Variants in NEGR1 observed in about 807,000 individuals in gnomAD.
NEGR1 encodes the protein IgLON family member 4.
Under a neutral mutation model 40.9 loss-of-function variants are expected in NEGR1, and 10 were observed. The ratio of observed to expected loss-of-function variants is 0.24; its 90% CI spans 0.15 to 0.42. The LOEUF (loss-of-function observed/expected upper bound fraction) is 0.42, where lower values mean the gene tolerates loss of function less well. Ranked by LOEUF, NEGR1 falls within the 10% of genes least tolerant of loss-of-function variation. The probability of loss-of-function intolerance (pLI) is 1.00; values close to 1 mark genes in which losing one functional copy is unlikely to be tolerated. For synonymous variants in NEGR1, 185 were observed against 166.8 expected (o/e 1.11, Z -0.84); for missense variants, 352 against 438.9 (o/e 0.80, Z 1.77).
In NEGR1 at chr1:72,103,177, C is replaced by T. The variant is rs144221654; in HGVS notation, c.177-167866G>A. Reference sequence around the variant, plus strand: ...AAATAAAGTTGTTTAATTAACTCTACTGATCATGGACATTTGGCCATTACA... The same window carrying T: ...AAATAAAGTTGTTTAATTAACTCTATTGATCATGGACATTTGGCCATTACA... On this transcript the variant is annotated intron_variant, in intron 1 of 6. Transcript: ENST00000357731. 3.3e-5 allele frequency among the ~76,000 whole-genome samples: 5 copies of T among 152,140 alleles called. No individual in the cohort carries two copies. The East Asian group carries it at 9.7e-4, about 29-fold the overall frequency.
At chr1:71,878,299 T>C (rs1384661636) in intron 2 of NEGR1, among the ~76,000 whole-genome samples, 3 of 152,320 alleles carry the variant, frequency 2.0e-5, no homozygotes, top group Admixed American at 2.0e-4. Flanking sequence ...GCTTTCATTA[T>C]CTTTCCCAGC....
intron 1 of NEGR1, among the ~76,000 whole-genome samples, chr1:72,000,920 G>A (rs943933846): frequency 6.6e-6 from 1 of 152,126 alleles, no homozygotes; most frequent in Non-Finnish European, 1.5e-5. Context: ...GCACAGATAA[G>A]GGAACTTGCA....
intron 1 of NEGR1, among the ~76,000 whole-genome samples, chr1:72,166,755 G>C (rs1651780586): frequency 6.6e-6 from 1 of 152,086 alleles, no homozygotes; most frequent in South Asian, 2.1e-4. Context: ...CCAGAGGCCA[G>C]GATCTGGGGA....
At chr1:72,117,952 T>C (rs147287164) in intron 1 of NEGR1, among the ~76,000 whole-genome samples, 9 of 151,872 alleles carry the variant, frequency 5.9e-5, no homozygotes, top group Non-Finnish European at 7.4e-5. Flanking sequence ...AGCTACTCAC[T>C]CTAGAAAGTC....
At chr1:71,952,931 A>T (rs1244253268) in intron 1 of NEGR1, among the ~76,000 whole-genome samples, 1 of 150,562 alleles carries the variant, frequency 6.6e-6, no homozygotes, top group African/African-American at 2.4e-5. Flanking sequence ...GAATATTTTA[A>T]GTCATAGTTA....
chr1:72,116,545 AT>A (rs1217135156), intron 1 of NEGR1, among the ~76,000 whole-genome samples: 1 of 151,700 alleles, frequency 6.6e-6, no homozygotes, highest in Non-Finnish European at 1.5e-5. Flanking sequence ...TTGAATGAAA[AT>A]AGTCGTGGTT....
At chr1:72,062,331 C>T (rs1413984412) in intron 1 of NEGR1, among the ~76,000 whole-genome samples, 2 of 151,878 alleles carry the variant, frequency 1.3e-5, no homozygotes, top group Non-Finnish European at 2.9e-5. Context: ...TTAATCACTC[C>T]TCATTCTAAG....
At chr1:71,700,851 T>C (rs1455869646) in intron 3 of NEGR1, among the ~76,000 whole-genome samples, 1 of 151,884 alleles carries the variant, frequency 6.6e-6, no homozygotes, top group African/African-American at 2.4e-5. Context: ...GGAGGGACAA[T>C]ACTAATTGCA....
chr1:72,000,862 C>A (rs1486092), intron 1 of NEGR1, among the ~76,000 whole-genome samples: 75 of 152,120 alleles, frequency 4.9e-4, no homozygotes, highest in African/African-American at 1.8e-3. Context: ...GCAGGTAGTT[C>A]GGGTGGGTCC....
Position 72,119,043 on chromosome 1 carries a change from C to T in NEGR1, c.176+163276G>A, listed in dbSNP as rs767679805. On this transcript the variant is annotated intron_variant, in intron 1 of 6. Coordinates refer to ENST00000357731, the MANE Select transcript of NEGR1 (RefSeq NM_173808.3). ...TATTATATATAGTATATTTAGATAT[C>T]CAACCTTTTCCAAGATAAAAATATT... Among the ~76,000 whole-genome samples the T allele has an allele frequency of 2.0e-5, 3 of 151,640 alleles. No homozygotes were observed. In the South Asian group the frequency reaches 6.2e-4, roughly 31 times the overall value.
intron 2 of NEGR1, among the ~76,000 whole-genome samples, chr1:71,912,495 G>T (rs1053461888): frequency 1.1e-4 from 16 of 152,078 alleles, no homozygotes; most frequent in African/African-American, 3.9e-4. Context: ...ATATTCACAG[G>T]TTATAGGAAT....
intron 2 of NEGR1, among the ~76,000 whole-genome samples, chr1:71,819,726 C>CA (rs1658357084): frequency 6.6e-6 from 1 of 151,764 alleles, no homozygotes; most frequent in African/African-American, 2.4e-5. Flanking sequence ...AAATCTATGT[C>CA]AAAGGGGGGA....
chr1:72,279,280 C>T (rs1656165386), intron 1 of NEGR1, among the ~76,000 whole-genome samples: 2 of 152,058 alleles, frequency 1.3e-5, no homozygotes. Context: ...TTCTCAAAAA[C>T]AGATATTCTG....
chr1:71,597,464 CTCTCTCTCTG>C (rs1183342797), intron 5 of NEGR1, among the ~76,000 whole-genome samples: 8 of 19,160 alleles, frequency 4.2e-4, no homozygotes, highest in African/African-American at 5.1e-4. Flanking sequence ...CTCTCTCTCT[CTCTCTCTCTG>C]TGTGTGTGTG....
intron 2 of NEGR1, among the ~76,000 whole-genome samples, chr1:71,815,008 T>G (rs1015170253): frequency 1.3e-5 from 2 of 152,096 alleles, no homozygotes; most frequent in African/African-American, 4.8e-5. Context: ...AGGGTGTCAG[T>G]TTGAGATCTT....
chr1:71,673,089 A>ATTAGCCTGGCATTTTGGCGGGCGCCTG (rs1652490370), intron 4 of NEGR1, among the ~76,000 whole-genome samples: 9 of 151,968 alleles, frequency 5.9e-5, no homozygotes, highest in Non-Finnish European at 8.8e-5. Context: ...TAAAAACAAA[A>ATTAGCCTGGCATTTTGGCGGGCGCCTG]TTAGCCTGGC....
At chr1:71,521,245 G>A (rs1311424590) in intron 6 of NEGR1, among the ~76,000 whole-genome samples, 1 of 151,960 alleles carries the variant, frequency 6.6e-6, no homozygotes, top group Non-Finnish European at 1.5e-5. Context: ...AAGCTTATAA[G>A]GATACCAGAG....
intron 3 of NEGR1, among the ~76,000 whole-genome samples, chr1:71,700,059 A>T (rs1470182181): frequency 2.0e-5 from 3 of 151,988 alleles, no homozygotes; most frequent in Non-Finnish European, 4.4e-5. Context: ...CAACAACATA[A>T]TAGAAAATTC....
At chr1:72,140,777 T>C (rs535460543) in intron 1 of NEGR1, among the ~76,000 whole-genome samples, 4 of 152,154 alleles carry the variant, frequency 2.6e-5, no homozygotes, top group African/African-American at 9.6e-5. Context: ...TTTTTAGACA[T>C]TAATAATTGG....
Sources: gnomAD v4.1 joint callset for allele counts (sites outside exome capture counted in the v4.1 genomes callset) on GRCh38, gnomAD v4.1.1 for gene constraint, MANE v1.5 for transcripts, NCBI Gene and HGNC (gene_info 2026-07-23, HGNC 2026-07-21) for gene names.